C8orf74: variants seen among roughly 807,000 people sequenced by gnomAD.
C8orf74 encodes the protein chromosome 8 open reading frame 74.
In C8orf74, 29 loss-of-function variants were observed where a neutral mutation model predicts 22.2. The observed-to-expected ratio is 1.31, with a 90% CI of 0.97 to 1.78. The LOEUF (loss-of-function observed/expected upper bound fraction) is 1.78, where lower values mean the gene tolerates loss of function less well. Ranked by LOEUF, C8orf74 falls within the 40% of genes most tolerant of loss-of-function variation. C8orf74 has a pLI of 0.00. For missense variants in C8orf74, 515 were observed against 369.9 expected (o/e 1.39, Z -3.22); for synonymous variants, 255 against 163.1 (o/e 1.56, Z -4.30).
intron 2 of C8orf74, among the ~76,000 whole-genome samples, chr8:10,686,236 T>C (rs566156854): frequency 1.3e-5 from 2 of 152,326 alleles, no homozygotes; most frequent in East Asian, 3.9e-4. Context: ...TGTACTCTCC[T>C]TGGAGTTGGA....
At chr8:10,690,525 A>G (rs1434745191) in intron 2 of C8orf74, among the ~76,000 whole-genome samples, 1 of 152,162 alleles carries the variant, frequency 6.6e-6, no homozygotes, top group African/African-American at 2.4e-5. Context: ...GTATTGGGAA[A>G]GGTGAGCAGT....
chr8:10,680,186 C>G (rs1799120078), intron 2 of C8orf74, among the ~76,000 whole-genome samples: 2 of 152,186 alleles, frequency 1.3e-5, no homozygotes, highest in South Asian at 4.1e-4. Flanking sequence ...CAAGCACCGC[C>G]AATGTGAGAG....
At chr8:10,681,130 G>A (rs1479654561) in intron 2 of C8orf74, among the ~76,000 whole-genome samples, 2 of 151,968 alleles carry the variant, frequency 1.3e-5, no homozygotes, top group Non-Finnish European at 2.9e-5. Context: ...ACAGCTGCCA[G>A]TGCAGTTTAT....
intron 2 of C8orf74, among the ~76,000 whole-genome samples, chr8:10,686,150 C>A (rs1799258125): frequency 6.6e-6 from 1 of 152,126 alleles, no homozygotes; most frequent in Admixed American, 6.6e-5. Context: ...AAATTTAAAT[C>A]TAAGAATGCT....
intron 1 of C8orf74, 128 bp downstream of exon 1, chr8:10,672,841 G>A: frequency 1.3e-6 from 1 of 776,264 alleles, no homozygotes; most frequent in Non-Finnish European, 2.1e-6. Context: ...CAGCACCTCT[G>A]AGGCTGTGAC....
chr8:10,672,991 C>G (rs1415176603), intron 1 of C8orf74, among the ~76,000 whole-genome samples: 3 of 152,134 alleles, frequency 2.0e-5, no homozygotes, highest in African/African-American at 7.2e-5. Context: ...CCTCTGGGAC[C>G]CTGAGGGTCC....
chr8:10,700,238 T>A lies in C8orf74; in HGVS notation c.652T>A (p.Leu218Met). Reference protein sequence around the residue: ...QPGQVLERQELESLICQAVHT... With the variant: ...QPGQVLERQEMESLICQAVHT... ...CGGCCTTCCCCTTTCCTTCCAGGAG[T>A]TGGAGAGCCTCATCTGCCAGGCAGT... Residue 218 changes from leucine (L) to methionine (M), a missense_variant, in exon 4 of 4, where the codon TTG (leucine) becomes ATG (methionine). Leu to Met is a conservative substitution (Grantham distance 15). Transcript: ENST00000304519. The A allele has an allele frequency of 6.3e-7, 1 of 1,591,558 alleles. No individual in the cohort carries two copies. The highest frequency in any genetic ancestry group is 8.6e-7 in the Non-Finnish European group (1 of 1,163,790).
At chr8:10,676,601 C>T (rs901207231) in intron 2 of C8orf74, among the ~76,000 whole-genome samples, 2 of 152,188 alleles carry the variant, frequency 1.3e-5, no homozygotes, top group African/African-American at 4.8e-5. Flanking sequence ...TCTTCCAATT[C>T]TCTCCTGCCA....
intron 2 of C8orf74, among the ~76,000 whole-genome samples, chr8:10,696,032 C>T (rs989907235): frequency 1.2e-4 from 18 of 152,168 alleles, no homozygotes; most frequent in Non-Finnish European, 1.9e-4. Flanking sequence ...CAGGTCTCCA[C>T]GCCTGGGCCA....
intron 2 of C8orf74, among the ~76,000 whole-genome samples, chr8:10,676,411 C>T (rs1047721412): frequency 6.6e-6 from 1 of 152,144 alleles, no homozygotes; most frequent in East Asian, 1.9e-4. Context: ...ATTTCCACCC[C>T]CCTCTCTTGA....
intron 3 of C8orf74, among the ~76,000 whole-genome samples, chr8:10,698,962 G>A (rs1799593394): frequency 6.7e-6 from 1 of 150,184 alleles, no homozygotes; most frequent in Non-Finnish European, 1.5e-5. Context: ...TCTCTAAAGA[G>A]CAATGAGCAT....
chr8:10,672,810 G>A (rs1279186282), intron 1 of C8orf74, 97 bp downstream of exon 1: 3 of 1,086,678 alleles, frequency 2.8e-6, no homozygotes, highest in Admixed American at 4.2e-5. Flanking sequence ...GAGACCCCGG[G>A]GCAGCCACCC....
intron 2 of C8orf74, chr8:10,690,871 T>A (rs937972492): frequency 2.2e-6 from 1 of 455,894 alleles, no homozygotes; most frequent in African/African-American, 2.0e-5. Context: ...TCCTCGCAGG[T>A]GCTGGCCTCC....
chr8:10,682,609 T>C (rs1018909779), intron 2 of C8orf74, among the ~76,000 whole-genome samples: 2 of 152,224 alleles, frequency 1.3e-5, no homozygotes, highest in Non-Finnish European at 2.9e-5. Context: ...AGGCTGGCCC[T>C]AATGATCTCA....
At chr8:10,679,533 T>C (rs111343176) in intron 2 of C8orf74, among the ~76,000 whole-genome samples, 30 of 152,344 alleles carry the variant, frequency 2.0e-4, no homozygotes, top group African/African-American at 5.3e-4. Context: ...CCAGCCGTTA[T>C]CTATCCTCCA....
At chr8:10,684,751 T>C (rs1361912966) in intron 2 of C8orf74, among the ~76,000 whole-genome samples, 1 of 152,230 alleles carries the variant, frequency 6.6e-6, no homozygotes, top group African/African-American at 2.4e-5. Flanking sequence ...TATGATTTTC[T>C]TTGTTTCCTT....
At chr8:10,694,021 G>T (rs1052250665) in intron 2 of C8orf74, among the ~76,000 whole-genome samples, 1 of 152,168 alleles carries the variant, frequency 6.6e-6, no homozygotes, top group Non-Finnish European at 1.5e-5. Context: ...CACTCAGCTG[G>T]GCTGTGAAGT....
chr8:10,674,219 C>T (rs1163114517), intron 1 of C8orf74, among the ~76,000 whole-genome samples: 2 of 140,992 alleles, frequency 1.4e-5, no homozygotes, highest in Non-Finnish European at 3.1e-5. Flanking sequence ...TCATATCATG[C>T]CCCACAACCC....
chr8:10,689,125 A>G (rs1799321860), intron 2 of C8orf74: 1 of 152,166 alleles, frequency 6.6e-6, no homozygotes, highest in Admixed American at 6.5e-5. Context: ...GGGCAATGAA[A>G]AGAAATAGAC....
Sources: gnomAD v4.1 joint callset for allele counts (sites outside exome capture counted in the v4.1 genomes callset) on GRCh38, gnomAD v4.1.1 for gene constraint, MANE v1.5 for transcripts, NCBI Gene and HGNC (gene_info 2026-07-23, HGNC 2026-07-21) for gene names.